Variants in MTMR11 observed in about 807,000 individuals in gnomAD.
MTMR11 encodes the protein myotubularin-related protein 11.
MTMR11 carries 89 observed loss-of-function variants against 100.0 expected under a neutral mutation model. The ratio of observed to expected loss-of-function variants is 0.89; its 90% confidence interval spans 0.75 to 1.06. The LOEUF (loss-of-function observed/expected upper bound fraction) is 1.06. Among genes scored for constraint, MTMR11 ranks in the 50% least tolerant of loss-of-function variants. The pLI is 0.00. For missense variants in MTMR11, 809 were observed against 873.7 expected, an observed-to-expected ratio of 0.93 and a Z score of 0.93; for synonymous variants, 336 against 326.3, an observed-to-expected ratio of 1.03 and a Z score of -0.32.
rs41302101 is a variant in MTMR11, at chr1:149,934,274, T to G, written c.600A>C (p.Glu200Asp). 101,867 of 1,614,152 alleles carry G rather than the reference T, an allele frequency of 0.063. 3,730 individuals carry two copies. Among genetic ancestry groups the G allele is most frequent in the Non-Finnish European group, 0.075 (88,600 of 1,180,002 alleles). Residue 200 changes from glutamate (E) to aspartate (D), a missense_variant, in exon 7 of 17, where the codon GAA becomes GAC. Glu to Asp is a conservative substitution (Grantham distance 45). Transcript: ENST00000439741. ...KPPIPLMETAEDWETERKKQA... is the reference protein window; with the variant it reads ...KPPIPLMETADDWETERKKQA... ...GCTTCTTCCGCTCAGTCTCCCAGTC[T>G]TCCGCTGTCTCCATGAGAGGAATTG...
intron 8 of MTMR11, 34 bp from the exon 9 acceptor site, chr1:149,933,732 G>C: frequency 6.2e-7 from 1 of 1,613,060 alleles, no homozygotes; most frequent in Non-Finnish European, 8.5e-7. Flanking sequence ...CATTGTGGGA[G>C]AAATGCCTAG....
intron 1 of MTMR11, 127 bp downstream of exon 1, chr1:149,936,455 T>A (rs924993854): frequency 1.5e-6 from 2 of 1,357,484 alleles, no homozygotes; most frequent in African/African-American, 1.5e-5. Flanking sequence ...CCAGGCTCCA[T>A]CAGCAGAAGC....
At position 149,933,387 on chromosome 1, in the gene MTMR11, G is replaced by A. The variant is rs368351924; in HGVS notation, c.985+19C>T. ...CCTAGGGGTGAGGGTGAGGGTTAGGGGTCAAAGGTTATTCTCACCAGGCAG... is the reference window on the plus strand; with the variant it reads ...CCTAGGGGTGAGGGTGAGGGTTAGGAGTCAAAGGTTATTCTCACCAGGCAG... On this transcript the variant is annotated intron_variant, in intron 10 of 16. Coordinates refer to ENST00000439741, the MANE Select transcript of MTMR11 (RefSeq NM_001145862.2). 25 of 1,613,770 alleles carry A rather than the reference G, an allele frequency of 1.5e-5. No individual in the cohort carries two copies. The Middle Eastern group carries it at 1.6e-3, about 106-fold the overall frequency.
chr1:149,930,968 G>A lies in MTMR11; in HGVS notation c.1291-3C>T. On this transcript the variant is annotated splice_polypyrimidine_tract_variant and splice_region_variant and intron_variant, in intron 13 of 16. Coordinates refer to ENST00000439741, the MANE Select transcript of MTMR11 (RefSeq NM_001145862.2). ...AGGAAGAGGAGAAACACCGGAGCCTGAAAAGAAATTAAGAGGTTGGAAGGG... is the reference window on the plus strand; with the variant it reads ...AGGAAGAGGAGAAACACCGGAGCCTAAAAAGAAATTAAGAGGTTGGAAGGG... 2 of 1,594,462 alleles carry A rather than the reference G, an allele frequency of 1.3e-6. No homozygotes were observed. Among genetic ancestry groups the A allele is most frequent in the African/African-American group, 2.7e-5 (2 of 73,560 alleles).
At position 149,931,435 on chromosome 1, in the gene MTMR11, TAAAGAG is replaced by T. The variant is rs782508093; in HGVS notation, c.1124-15_1124-10del. On this transcript the variant is annotated splice_polypyrimidine_tract_variant and intron_variant, in intron 12 of 16. Transcript: ENST00000439741. The stretch of plus-strand genomic sequence containing the variant: ...ATCACGATCACCGCGCTCTGGGTGA[TAAAGAG>T]GAAGAAGGGACAAAGAAGAGGGGTC... 2.5e-6 allele frequency: 4 copies of T among 1,573,240 alleles called. No homozygotes were observed. In the African/African-American group the frequency reaches 4.1e-5, roughly 16 times the overall value.
At chr1:149,929,374 C>T (rs367555189) in intron 16 of MTMR11, 57 bp from the exon 17 acceptor site, 1 of 1,464,122 alleles carries the variant, frequency 6.8e-7, no homozygotes. Flanking sequence ...TGGCCCCCTG[C>T]TTCTCTGCTA....
chr1:149,932,865 C>T lies in MTMR11; in HGVS notation c.986-535G>A, dbSNP rs184509365. ...ACTCAGGAGGCTGAGGCAGGAGAAT[C>T]GCTTGAACATGGGAGTTGGAGGTTG... is the stretch of plus-strand genomic sequence containing the variant. On this transcript the variant is annotated intron_variant, in intron 10 of 16. Transcript: ENST00000439741. Among the ~76,000 whole-genome samples, 158 of 151,602 alleles carry T rather than the reference C, an allele frequency of 1.0e-3. 1 individual carries two copies. The highest frequency in any genetic ancestry group is 3.8e-3 in the African/African-American group (156 of 41,376).
At chr1:149,932,120 C>G in intron 11 of MTMR11, 106 bp from the exon 12 acceptor site, 2 of 1,382,824 alleles carry the variant, frequency 1.4e-6, no homozygotes, top group African/African-American at 2.9e-5. Flanking sequence ...AATCCTACCC[C>G]TCCTCCTTCT....
chr1:149,932,007 G>A lies in MTMR11; in HGVS notation c.1060C>T (p.Leu354Phe). The change falls in exon 12 of 17, where the codon CTT becomes TTT. Residue 354 changes from leucine to phenylalanine, a missense_variant. Leu to Phe is a conservative substitution (Grantham distance 22). Coordinates refer to ENST00000439741, the MANE Select transcript of MTMR11 (RefSeq NM_001145862.2). ...ACTGAAATGTCACTGGCCTTTCGAAGACAAGCCCTGGAGGAGCAGGTGAGG... is the reference window on the plus strand; with the variant it reads ...ACTGAAATGTCACTGGCCTTTCGAAAACAAGCCCTGGAGGAGCAGGTGAGG... ...TRWLDYVRAC[L>F]RKASDISVLV... 6.2e-7 allele frequency: 1 copy of A among 1,613,582 alleles called. No homozygotes were observed. The highest frequency in any genetic ancestry group is 1.1e-5 in the South Asian group (1 of 91,060).
At chr1:149,935,839 G>T in intron 2 of MTMR11, 134 bp from the exon 3 acceptor site, 1 of 1,142,392 alleles carries the variant, frequency 8.8e-7, no homozygotes, top group Non-Finnish European at 1.2e-6. Context: ...TACAATGTAA[G>T]CTTATGAGGA....
In MTMR11 at chr1:149,933,710, G is replaced by A. The variant is rs371178428; in HGVS notation, c.772-12C>T. On this transcript the variant is annotated splice_polypyrimidine_tract_variant and intron_variant, in intron 8 of 16. Transcript: ENST00000439741. ...TGCCAGGACAAGCGCTTCACATGGG[G>A]CAGAAGAGGGTCATTGTGGGAGAAA... The A allele has an allele frequency of 5.7e-5, 92 of 1,614,004 alleles. No individual in the cohort carries two copies. In the African/African-American group the frequency reaches 1.2e-3, roughly 21 times the overall value.
At position 149,935,018 on chromosome 1, in the gene MTMR11, C is replaced by T; in HGVS notation, c.436G>A (p.Glu146Lys). 1 of 1,613,990 alleles carries T rather than the reference C, an allele frequency of 6.2e-7. No individual in the cohort carries two copies. Among genetic ancestry groups the T allele is most frequent in the Non-Finnish European group, 8.5e-7 (1 of 1,180,020 alleles). ...GCCTGAGGCTCTAGGCCTCCAGCCT[C>T]AAAACCAACTCTGAGCAGCCGGAAG... is the stretch of plus-strand genomic sequence containing the variant. The part of the protein sequence containing the change: ...RDFRLLRVGF[E>K]AGGLEPQAFQ... Residue 146 changes from glutamate (E) to lysine (K), a missense_variant, in exon 5 of 17, where the codon GAG (glutamate) becomes AAG (lysine). Physicochemically the swap from Glu to Lys is moderately conservative, Grantham distance 56 (BLOSUM62 1). Transcript: ENST00000439741.
In MTMR11 at chr1:149,933,897, C is replaced by T; in HGVS notation, c.729G>A (p.Glu243=). Residue 243 remains glutamate (E), a synonymous_variant, in exon 8 of 17, where the codon GAG becomes GAA. Coordinates refer to ENST00000439741, the MANE Select transcript of MTMR11 (RefSeq NM_001145862.2). ...GAAAGTGGCCAAATGCTCTCCTGAC[C>T]TCACTGTCCAGAATTCGGTTAGGGA... ...FWVPNRILDS[E]VRRAFGHFHQ... 3.1e-6 allele frequency: 5 copies of T among 1,614,232 alleles called. No homozygotes were observed. Among genetic ancestry groups the T allele is most frequent in the Non-Finnish European group, 4.2e-6 (5 of 1,180,040 alleles).
chr1:149,933,381 G>T lies in MTMR11; in HGVS notation c.985+25C>A, dbSNP rs1384194407. The T allele has an allele frequency of 3.7e-6, 6 of 1,613,552 alleles. No individual in the cohort carries two copies. The African/African-American group carries it at 6.7e-5, about 18-fold the overall frequency. ...AGCAGACCTAGGGGTGAGGGTGAGG[G>T]TTAGGGGTCAAAGGTTATTCTCACC... On this transcript the variant is annotated intron_variant, in intron 10 of 16. Transcript: ENST00000439741.
chr1:149,929,576 CAG>C lies in MTMR11; in HGVS notation c.1941+45_1941+46del, dbSNP rs373307854. 1.1e-5 allele frequency: 17 copies of C among 1,560,110 alleles called. 1 individual carries two copies. In the African/African-American group the frequency reaches 1.4e-4, roughly 13 times the overall value. On this transcript the variant is annotated intron_variant, in intron 16 of 16. Transcript: ENST00000439741. ...TCCAGCTCCTGTTCATCTGGTTCAG[CAG>C]AGTCAAGTCCCTTGTCCCACTCCCA...
At chr1:149,930,720 A>G in intron 14 of MTMR11, 72 bp downstream of exon 14, 2 of 1,474,442 alleles carry the variant, frequency 1.4e-6, no homozygotes, top group Non-Finnish European at 1.8e-6. Flanking sequence ...TCATAAAACA[A>G]ATCAAGACCA....
intron 15 of MTMR11, 92 bp from the exon 16 acceptor site, chr1:149,930,008 C>A: frequency 7.8e-7 from 1 of 1,276,316 alleles, no homozygotes; most frequent in East Asian, 2.4e-5. Context: ...TGCTGCCACC[C>A]ACTCACTGCA....
chr1:149,933,474 A>G lies in MTMR11; in HGVS notation c.917T>C (p.Met306Thr). The change falls in exon 10 of 17, where the codon ATG (methionine) becomes ACG (threonine). Residue 306 changes from methionine (M) to threonine (T), a missense_variant. Transcript: ENST00000439741. ...ATCTGCAAGGCTGGGCAGCTCATCC[A>G]TAGTGTCTACCAGGACAACATCTGA... ...GHSDVVLVDT[M>T]DELPSLADVQ... 1 of 1,614,134 alleles carries G rather than the reference A, an allele frequency of 6.2e-7. No homozygotes were observed. The highest frequency in any genetic ancestry group is 8.5e-7 in the Non-Finnish European group (1 of 1,180,008).
At position 149,932,253 on chromosome 1, in the gene MTMR11, C is replaced by T. The variant is rs782752210; in HGVS notation, c.1052+11G>A. ...AATTATAAATGATGGCTAGAAGAAGCGAGGGAGTACCTGACATAGTCCAGC... is the reference window on the plus strand; with the variant it reads ...AATTATAAATGATGGCTAGAAGAAGTGAGGGAGTACCTGACATAGTCCAGC... On this transcript the variant is annotated intron_variant, in intron 11 of 16. Coordinates refer to ENST00000439741, the MANE Select transcript of MTMR11 (RefSeq NM_001145862.2). 5.0e-6 allele frequency: 8 copies of T among 1,612,136 alleles called. No individual in the cohort carries two copies. The highest frequency in any genetic ancestry group is 1.7e-5 in the Admixed American group (1 of 59,970).
Sources: gnomAD v4.1 joint callset for allele counts (sites outside exome capture counted in the v4.1 genomes callset) on GRCh38, gnomAD v4.1.1 for gene constraint, MANE v1.5 for transcripts, NCBI Gene and HGNC (gene_info 2026-07-23, HGNC 2026-07-21) for gene names.